Variants in TRA2B observed in about 807,000 individuals in gnomAD.
TRA2B encodes transformer 2 beta homolog, also known as transformer-2 protein homolog beta.
Under a neutral mutation model 41.7 loss-of-function variants are expected in TRA2B, and 14 were observed. The ratio of observed to expected loss-of-function variants is 0.34; its 90% CI spans 0.22 to 0.53. The LOEUF (loss-of-function observed/expected upper bound fraction) is 0.53. Ranked by LOEUF, TRA2B falls within the 20% of genes least tolerant of loss-of-function variation. The pLI is 0.95. For synonymous variants in TRA2B, 130 were observed against 128.8 expected, an observed-to-expected ratio of 1.01 and a Z score of -0.06; for missense variants, 167 against 396.8, an observed-to-expected ratio of 0.42 and a Z score of 4.92.
chr3:185,936,564 T>G, intron 1 of TRA2B: 1 of 985,396 alleles, frequency 1.0e-6, no homozygotes, highest in South Asian at 4.7e-5. Flanking sequence ...AGGAATCATA[T>G]AAAATCTTAA....
intron 1 of TRA2B, chr3:185,927,563 A>C (rs1460090221): frequency 2.0e-5 from 3 of 152,370 alleles, no homozygotes; most frequent in Middle Eastern, 3.4e-3. Context: ...AGGAGCTCCT[A>C]ACCTAGGGCC....
chr3:185,931,498 T>C, intron 1 of TRA2B: 2 of 1,023,144 alleles, frequency 2.0e-6, no homozygotes, highest in East Asian at 6.4e-5. Flanking sequence ...TTACCCTGTA[T>C]ATATTTTCCT....
chr3:185,935,783 CCTTAAAGGTTCCAATT>C lies in TRA2B; in HGVS notation c.36+2026_36+2041del, dbSNP rs927789503. 9.1e-6 allele frequency: 9 copies of C among 985,392 alleles called. No homozygotes were observed. In the African/African-American group the frequency reaches 1.4e-4, roughly 15 times the overall value. The allele number at this position is 985,392 out of a possible 1,614,324, so 61.0% of individuals were successfully genotyped here. On this transcript the variant is annotated intron_variant, in intron 1 of 8. Transcript: ENST00000453386. ...GTGTTTGATTCAGGTGTATTCCAAC[CCTTAAAGGTTCCAATT>C]GGAACACAAACACGCAAACACCAAA...
At chr3:185,934,919 TCTTTAA>T in intron 1 of TRA2B, 1 of 985,402 alleles carries the variant, frequency 1.0e-6, no homozygotes, top group African/African-American at 1.7e-5. Context: ...CAAAACATTT[TCTTTAA>T]CATCTGGTCC....
rs886646720 is a variant in TRA2B at position 185,916,943 on chromosome 3, G to A, written c.*772C>T. 3.9e-5 allele frequency: 6 copies of A among 152,612 alleles called. No individual in the cohort carries two copies. Among genetic ancestry groups the A allele is most frequent in the African/African-American group, 1.4e-4 (6 of 41,452 alleles). 9.5% of individuals were successfully genotyped at this position (152,612 alleles called of 1,614,324 possible). On this transcript the variant is annotated 3_prime_UTR_variant, in exon 9 of 9. Coordinates refer to ENST00000453386, the MANE Select transcript of TRA2B (RefSeq NM_004593.3). ...GTTTTTTCATATAGTCTAAAAGCTA[G>A]AAGAACAAGAGTGTATTTGTGGTGG...
At chr3:185,931,579 A>T in intron 1 of TRA2B, 1 of 1,241,266 alleles carries the variant, frequency 8.1e-7, no homozygotes, top group Non-Finnish European at 1.0e-6. Context: ...GTAATTACTT[A>T]GCGTAGTGCT....
intron 1 of TRA2B, chr3:185,929,172 A>C (rs760812315): frequency 6.6e-6 from 1 of 152,188 alleles, no homozygotes; most frequent in Non-Finnish European, 1.5e-5. Context: ...TCGATCCTTT[A>C]TCAGGGATAT....
At chr3:185,921,799 CAA>C (rs1489192341) in intron 5 of TRA2B, among the ~76,000 whole-genome samples, 1 of 152,016 alleles carries the variant, frequency 6.6e-6, no homozygotes, top group Non-Finnish European at 1.5e-5. Flanking sequence ...CAACAACAAA[CAA>C]AAAATTTAAA....
At chr3:185,922,252 CG>C in intron 4 of TRA2B, 126 bp from the exon 5 acceptor site, 1 of 567,452 alleles carries the variant, frequency 1.8e-6, no homozygotes, top group Non-Finnish European at 3.1e-6. Flanking sequence ...TTAGCCAGAA[CG>C]TAAGGTCTAC....
chr3:185,917,889 A>T (rs1439646537), intron 8 of TRA2B, among the ~76,000 whole-genome samples, 164 bp from the exon 9 acceptor site: 1 of 152,164 alleles, frequency 6.6e-6, no homozygotes, highest in African/African-American at 2.4e-5. Flanking sequence ...TTACACCAGA[A>T]ATGAGATAGC....
At chr3:185,927,512 C>A (rs1743997495) in intron 1 of TRA2B, 1 of 152,216 alleles carries the variant, frequency 6.6e-6, no homozygotes, top group Admixed American at 6.5e-5. Context: ...ACCTAACTTA[C>A]CTAGTTACTT....
chr3:185,928,172 T>C (rs1222646088), intron 1 of TRA2B: 1 of 149,840 alleles, frequency 6.7e-6, no homozygotes, highest in Admixed American at 6.7e-5. Flanking sequence ...AAAATTTGGA[T>C]GATCCTTTGA....
chr3:185,922,659 G>T (rs1459427322), intron 4 of TRA2B: 1 of 152,220 alleles, frequency 6.6e-6, no homozygotes, highest in African/African-American at 2.4e-5. Flanking sequence ...TTAACCCTTG[G>T]AAGTTTTCTT....
At chr3:185,918,226 C>G in intron 8 of TRA2B, 139 bp downstream of exon 8, 1 of 609,130 alleles carries the variant, frequency 1.6e-6, no homozygotes, top group East Asian at 2.9e-5. Context: ...TTTCTTGAAC[C>G]AAAAAATGTT....
At chr3:185,935,889 C>A (rs1744332627) in intron 1 of TRA2B, 2 of 984,674 alleles carry the variant, frequency 2.0e-6, no homozygotes, top group African/African-American at 3.5e-5. Flanking sequence ...AGCGAAGACT[C>A]TTATGTAAGA....
chr3:185,919,340 G>A, intron 7 of TRA2B, 97 bp downstream of exon 7: 1 of 900,484 alleles, frequency 1.1e-6, no homozygotes, highest in Non-Finnish European at 1.7e-6. Context: ...TCTGATTTTG[G>A]GTATTCCACT....
chr3:185,928,106 A>G (rs1404174031), intron 1 of TRA2B: 1 of 152,242 alleles, frequency 6.6e-6, no homozygotes, highest in Non-Finnish European at 1.5e-5. Context: ...GGATTATTCT[A>G]AATTACAGCT....
chr3:185,937,575 C>T, intron 1 of TRA2B: 3 of 642,030 alleles, frequency 4.7e-6, no homozygotes, highest in Non-Finnish European at 5.8e-6. Flanking sequence ...CCTCTTATAA[C>T]GGGAAAAACG....
rs747657779 is a variant in TRA2B, at chr3:185,925,591, G to C, written c.206C>G (p.Thr69Ser). 1.2e-6 allele frequency: 2 copies of C among 1,614,004 alleles called. No homozygotes were observed. Among genetic ancestry groups the C allele is most frequent in the Non-Finnish European group, 1.7e-6 (2 of 1,180,010 alleles). Residue 69 changes from threonine (T) to serine (S), a missense_variant, in exon 3 of 9, where the codon ACC (threonine) becomes AGC (serine). By Grantham distance (58) the Thr-to-Ser change is moderately conservative (BLOSUM62 1). Transcript: ENST00000453386. ...RSRRSSRRHY[T>S]RSRSRSRSHR... Reference sequence around the variant, plus strand: ...GGAGCGGGAGCGAGACCGTGACCGGGTATAATGCCTTCGGGAGCTTCTTCT... The same window carrying C: ...GGAGCGGGAGCGAGACCGTGACCGGCTATAATGCCTTCGGGAGCTTCTTCT...
Sources: allele counts gnomAD v4.1 joint callset (sites outside exome capture counted in the v4.1 genomes callset), GRCh38; gene constraint gnomAD v4.1.1; transcripts MANE v1.5; gene names NCBI Gene and HGNC (gene_info 2026-07-23, HGNC 2026-07-21).